SMUG1: variants seen among roughly 807,000 people sequenced by gnomAD.
SMUG1 encodes single-strand selective monofunctional uracil DNA glycosylase.
A neutral mutation model predicts 23.9 loss-of-function variants in SMUG1; 13 were observed. The ratio of observed to expected loss-of-function variants is 0.54; its 90% CI spans 0.35 to 0.86. SMUG1 has a LOEUF of 0.86. Ranked by LOEUF, SMUG1 falls within the 40% of genes least tolerant of loss-of-function variation. The probability of loss-of-function intolerance (pLI) is 0.01; values close to 1 mark genes in which losing one functional copy is unlikely to be tolerated. For missense variants in SMUG1, 313 were observed against 339.5 expected, an observed-to-expected ratio of 0.92 and a Z score of 0.61; for synonymous variants, 133 against 139.8, an observed-to-expected ratio of 0.95 and a Z score of 0.34.
At chr12:54,178,371 C>G (rs558240343), downstream of SMUG1, among the ~76,000 whole-genome samples, 1 of 152,176 alleles carries the variant, frequency 6.6e-6, no homozygotes, top group South Asian at 2.1e-4. Context: ...CTGCCATACC[C>G]AGGCCTTCAA....
chr12:54,183,392 G>A (rs1169027533), intron 3 of SMUG1: 4 of 570,826 alleles, frequency 7.0e-6, no homozygotes, highest in African/African-American at 3.7e-5. Context: ...GGATGGGGCT[G>A]GCGGAAGGAA....
downstream of SMUG1, among the ~76,000 whole-genome samples, chr12:54,176,381 G>A (rs1025862355): frequency 1.3e-5 from 2 of 151,396 alleles, no homozygotes; most frequent in African/African-American, 2.4e-5. Flanking sequence ...GTGTGGTGGT[G>A]CATGCCTATA....
At chr12:54,164,641 G>C (rs969725087), downstream of SMUG1, 1 of 152,436 alleles carries the variant, frequency 6.6e-6, no homozygotes, top group Non-Finnish European at 1.5e-5. Flanking sequence ...CAGCGGGGGA[G>C]GGGGAGGGGC....
At chr12:54,161,660 G>T (rs1023071970), downstream of SMUG1, among the ~76,000 whole-genome samples, 1 of 151,628 alleles carries the variant, frequency 6.6e-6, no homozygotes, top group Non-Finnish European at 1.5e-5. The surrounding 1 kb of genome is among the most constrained non-coding windows in gnomAD (Gnocchi z 4.2). Context: ...CCATATTCCC[G>T]CCTCTCTCCT....
At position 54,182,053 on chromosome 12, in the gene SMUG1, C is replaced by T. The variant is rs755447783; in HGVS notation, c.*43G>A. 2.6e-6 allele frequency: 4 copies of T among 1,514,674 alleles called. No homozygotes were observed. In the Admixed American group the frequency reaches 6.8e-5, roughly 26 times the overall value. The allele number at this position is 1,514,674 out of a possible 1,614,324, so 93.8% of individuals were successfully genotyped here. A position where few individuals can be genotyped will look rare whatever the true frequency, so the allele number is the denominator to read the frequency against. On this transcript the variant is annotated 3_prime_UTR_variant, in exon 4 of 4. Transcript: ENST00000682136. ...TTGTCATCTGCTTGGCCAAGAATGA[C>T]TTCGAGGTCTTGAATGTGTCCCATG...
At chr12:54,166,986 G>A (rs1353841927) in intron 3 of SMUG1, among the ~76,000 whole-genome samples, 1 of 152,174 alleles carries the variant, frequency 6.6e-6, no homozygotes, top group Non-Finnish European at 1.5e-5. Flanking sequence ...TCTGGCAAGC[G>A]CTGGAGATAT....
chr12:54,182,758 G>A, intron 3 of SMUG1, 135 bp from the exon 4 acceptor site: 1 of 1,450,978 alleles, frequency 6.9e-7, no homozygotes, highest in Non-Finnish European at 9.1e-7. Context: ...CCAAAGGCCT[G>A]AGACAAGGAT....
In SMUG1 at chr12:54,182,028, T is replaced by C. The variant is rs2136610870; in HGVS notation, c.*68A>G. ...CTTTTGCTCCAGTCCAGGAGATGTG[T>C]TGTCATCTGCTTGGCCAAGAATGAC... is the stretch of plus-strand genomic sequence containing the variant. On this transcript the variant is annotated 3_prime_UTR_variant, in exon 4 of 4. Transcript: ENST00000682136. 6.6e-7 allele frequency: 1 copy of C among 1,513,254 alleles called. No homozygotes were observed. The highest frequency in any genetic ancestry group is 1.3e-5 in the South Asian group (1 of 74,240). The allele number at this position is 1,513,254 out of a possible 1,614,324, so 93.7% of individuals were successfully genotyped here.
chr12:54,188,637 A>C (rs1445986580), intron 1 of SMUG1: 1 of 152,028 alleles, frequency 6.6e-6, no homozygotes, highest in Non-Finnish European at 1.5e-5. Context: ...AAAATAAATA[A>C]ATAAACAATA....
In SMUG1 at chr12:54,180,654, A is replaced by C. The variant is rs994336909; in HGVS notation, c.*1442T>G. 2 of 152,170 alleles carry C rather than the reference A, an allele frequency of 1.3e-5. No individual in the cohort carries two copies. Among genetic ancestry groups the C allele is most frequent in the Non-Finnish European group, 2.9e-5 (2 of 68,038 alleles). The allele number at this position is 152,170 out of a possible 1,614,324, so 9.4% of individuals were successfully genotyped here. A position where few individuals can be genotyped will look rare whatever the true frequency, so the allele number is the denominator to read the frequency against. ...TGTTTCTCACGGTGTCCAGAGTATC[A>C]TATAAGACCCCTAACAGACACTTAA... is the stretch of plus-strand genomic sequence containing the variant. On this transcript the variant is annotated 3_prime_UTR_variant, in exon 4 of 4. Transcript: ENST00000682136.
chr12:54,187,088 T>C (rs901804738), intron 2 of SMUG1: 11 of 152,254 alleles, frequency 7.2e-5, no homozygotes, highest in Admixed American at 1.3e-4. Context: ...TTCTATATCC[T>C]GAGTTCACTC....
chr12:54,188,204 G>A (rs1942903620), intron 1 of SMUG1, among the ~76,000 whole-genome samples: 1 of 151,054 alleles, frequency 6.6e-6, no homozygotes, highest in South Asian at 2.1e-4. Flanking sequence ...AATCACATAT[G>A]CACTCCCCTG....
At chr12:54,178,579 T>G (rs920668474), downstream of SMUG1, among the ~76,000 whole-genome samples, 2 of 152,146 alleles carry the variant, frequency 1.3e-5, no homozygotes, top group African/African-American at 4.8e-5. Context: ...GTTTGCCCCT[T>G]CATCTCCTTC....
intron 4 of SMUG1, among the ~76,000 whole-genome samples, chr12:54,158,617 T>A (rs1940123804): frequency 1.3e-5 from 2 of 151,396 alleles, no homozygotes; most frequent in Admixed American, 1.3e-4. Context: ...AATCCTGGGG[T>A]CTTCCTCATC....
At chr12:54,175,401 C>T (rs917265367), downstream of SMUG1, among the ~76,000 whole-genome samples, 3 of 152,234 alleles carry the variant, frequency 2.0e-5, no homozygotes, top group African/African-American at 7.2e-5. Context: ...TGGCTCTTGC[C>T]TAATTCCTGG....
intron 3 of SMUG1, chr12:54,183,146 AC>A: frequency 5.2e-6 from 1 of 193,092 alleles, no homozygotes; most frequent in Middle Eastern, 1.9e-3. Context: ...CCTGCCAAGC[AC>A]CCCCACTGGG....
chr12:54,173,663 C>A (rs1043620444), intron 2 of SMUG1, among the ~76,000 whole-genome samples: 10 of 152,182 alleles, frequency 6.6e-5, no homozygotes, highest in African/African-American at 2.4e-4. Flanking sequence ...GCCAGAGCGG[C>A]CGCCCGCCCC....
chr12:54,170,330 T>C (rs923726697), intron 3 of SMUG1, among the ~76,000 whole-genome samples: 4 of 152,078 alleles, frequency 2.6e-5, no homozygotes, highest in African/African-American at 7.2e-5. Context: ...TCTGGGACCA[T>C]AATGCTGAGC....
chr12:54,188,295 A>AATAATAATAAATAAT (rs869289712), intron 1 of SMUG1, among the ~76,000 whole-genome samples: 48 of 68,894 alleles, frequency 7.0e-4, no homozygotes, highest in South Asian at 2.2e-3. Context: ...TAATAATAAT[A>AATAATAATAAATAAT]AATAATAATA....
Sources: gnomAD v4.1 joint callset for allele counts (sites outside exome capture counted in the v4.1 genomes callset) on GRCh38, gnomAD v4.1.1 for gene constraint, Gnocchi (gnomAD v3.1) non-coding constraint, MANE v1.5 for transcripts, NCBI Gene and HGNC (gene_info 2026-07-23, HGNC 2026-07-21) for gene names.